MMUT: variants seen among roughly 807,000 people sequenced by gnomAD.
The protein encoded by MMUT is methylmalonyl-CoA mutase, mitochondrial.
A neutral mutation model predicts 79.9 loss-of-function variants in MMUT; 79 were observed. That is an observed-to-expected ratio of 0.99 (90% confidence interval 0.82 to 1.19). MMUT has a LOEUF of 1.19. Among genes scored for constraint, MMUT ranks in the 50% most tolerant of loss-of-function variants. The pLI, the probability that MMUT is intolerant of heterozygous loss-of-function variation, is 0.00. For missense variants in MMUT, 860 were observed against 917.2 expected, an observed-to-expected ratio of 0.94 and a Z score of 0.81; for synonymous variants, 273 against 295.7, an observed-to-expected ratio of 0.92 and a Z score of 0.79.
At chr6:49,457,499 A>C (rs991719931) in intron 3 of MMUT, among the ~76,000 whole-genome samples, 192 bp downstream of exon 3, 5 of 152,242 alleles carry the variant, frequency 3.3e-5, no homozygotes, top group African/African-American at 1.2e-4. Context: ...AACACAGTAA[A>C]GATCTGTTGC....
chr6:49,443,968 A>C (rs1204004107), intron 9 of MMUT, among the ~76,000 whole-genome samples: 1 of 152,186 alleles, frequency 6.6e-6, no homozygotes, highest in East Asian at 1.9e-4. Flanking sequence ...AATACTGTAG[A>C]GAATTCAAGA....
chr6:49,459,349 G>A lies in MMUT; in HGVS notation c.118C>T (p.His40Tyr), dbSNP rs774766479. 6.2e-7 allele frequency: 1 copy of A among 1,614,056 alleles called. No homozygotes were observed. Among genetic ancestry groups the A allele is most frequent in the Non-Finnish European group, 8.5e-7 (1 of 1,180,020 alleles). ...QRLLHQQQPLHPEWAALAKKQ... is the reference protein window; with the variant it reads ...QRLLHQQQPLYPEWAALAKKQ... ...TTAGCCAGGGCAGCCCATTCTGGGT[G>A]AAGGGGCTGTTGCTGGTGTAGAAGT... The change falls in exon 2 of 13, where the codon CAC becomes TAC. Residue 40 changes from histidine to tyrosine, a missense_variant. Transcript: ENST00000274813.
rs538235182 is a variant in MMUT, at chr6:49,438,554, T to C, written c.1956+1652A>G. On this transcript the variant is annotated intron_variant, in intron 11 of 12. Transcript: ENST00000274813. ...AGTTTTAGTTCTGAACTGACACTTT[T>C]AAAAGTCTGAAAGATTAATTATATT... 2.2e-3 allele frequency among the ~76,000 whole-genome samples: 337 copies of C among 152,304 alleles called. 3 individuals carry two copies. The highest frequency in any genetic ancestry group is 7.8e-3 in the African/African-American group (324 of 41,574).
rs916028744 is a variant in MMUT, at chr6:49,435,520, T to C, written c.2060A>G (p.Lys687Arg). 5 of 1,614,056 alleles carry C rather than the reference T, an allele frequency of 3.1e-6. No homozygotes were observed. Among genetic ancestry groups the C allele is most frequent in the Admixed American group, 1.7e-5 (1 of 59,974 alleles). The change falls in exon 12 of 13, where the codon AAA becomes AGA. Residue 687 changes from lysine to arginine, a missense_variant. Physicochemically the swap from Lys to Arg is conservative, Grantham distance 26. Coordinates refer to ENST00000274813, the MANE Select transcript of MMUT (RefSeq NM_000255.4). ...TGGCCGTCCAAGGGAGTTAAGTTCT[T>C]TGATGAGTTCAGGAACTAGGGTTTT... ...GHKTLVPELIKELNSLGRPDI... is the reference protein window; with the variant it reads ...GHKTLVPELIRELNSLGRPDI...
intron 1 of MMUT, among the ~76,000 whole-genome samples, chr6:49,460,981 T>C (rs1767825460): frequency 6.6e-6 from 1 of 152,210 alleles, no homozygotes; most frequent in African/African-American, 2.4e-5. Flanking sequence ...GCTTCTGTAG[T>C]AATATATAAA....
At chr6:49,440,979 G>T (rs1296296626) in intron 10 of MMUT, among the ~76,000 whole-genome samples, 1 of 152,156 alleles carries the variant, frequency 6.6e-6, no homozygotes, top group Non-Finnish European at 1.5e-5. Flanking sequence ...TTCTTATCAT[G>T]CTATATAAAT....
chr6:49,457,752 T>A lies in MMUT; in HGVS notation c.692A>T (p.Tyr231Phe). 7 of 1,612,314 alleles carry A rather than the reference T, an allele frequency of 4.3e-6. No homozygotes were observed. The highest frequency in any genetic ancestry group is 5.9e-6 in the Non-Finnish European group (7 of 1,178,758). ...CATGGATGGTTCTGGAGGAAAAATG[T>A]ATGTATTTCGAACCATAAATTCCTT... ...ILKEFMVRNT[Y>F]IFPPEPSMKI... The change falls in exon 3 of 13, where the codon TAC (tyrosine) becomes TTC (phenylalanine). Residue 231 changes from tyrosine to phenylalanine, a missense_variant. Coordinates refer to ENST00000274813, the MANE Select transcript of MMUT (RefSeq NM_000255.4).
At position 49,463,120 on chromosome 6, in the gene MMUT, A is replaced by C. The variant is rs1248544504; in HGVS notation, c.-57T>G. The C allele has an allele frequency of 6.6e-6, 1 of 152,032 alleles. No individual in the cohort carries two copies. The highest frequency in any genetic ancestry group is 1.5e-5 in the Non-Finnish European group (1 of 68,108). 9.4% of individuals were successfully genotyped at this position (152,032 alleles called of 1,614,324 possible). On this transcript the variant is annotated 5_prime_UTR_variant, in exon 1 of 13. Coordinates refer to ENST00000274813, the MANE Select transcript of MMUT (RefSeq NM_000255.4). ...CTACTCACTGGTAGGCCTGTTTTGG[A>C]CTCCGCTGTGGGAGAGGGCGGCTGC...
chr6:49,459,430 G>A lies in MMUT; in HGVS notation c.37C>T (p.Pro13Ser), dbSNP rs771672322. ...RAKNQLFLLS[P>S]HYLRQVKESS... ...TCTTTTACCTGCCTCAGGTAATGAG[G>A]TGAAAGTAAAAAAAGCTGATTCTTA... The change falls in exon 2 of 13, where the codon CCT (proline) becomes TCT (serine). Residue 13 changes from proline (P) to serine (S), a missense_variant. By Grantham distance (74) the Pro-to-Ser change is moderately conservative. Transcript: ENST00000274813. 8.1e-6 allele frequency: 13 copies of A among 1,613,300 alleles called. No homozygotes were observed. The highest frequency in any genetic ancestry group is 1.3e-5 in the African/African-American group (1 of 74,872).
chr6:49,456,773 T>C (rs1213199773), intron 3 of MMUT, among the ~76,000 whole-genome samples: 1 of 152,180 alleles, frequency 6.6e-6, no homozygotes, highest in Non-Finnish European at 1.5e-5. Flanking sequence ...TGAAACAAAA[T>C]GGGATAAAAT....
chr6:49,445,543 G>T (rs1467558184), intron 8 of MMUT, among the ~76,000 whole-genome samples: 1 of 151,914 alleles, frequency 6.6e-6, no homozygotes, highest in Admixed American at 6.6e-5. Context: ...AAAATTCAGG[G>T]ATGTTCAAGG....
chr6:49,459,775 C>T (rs963405875), intron 1 of MMUT, among the ~76,000 whole-genome samples: 20 of 152,152 alleles, frequency 1.3e-4, no homozygotes, highest in Admixed American at 3.9e-4. Context: ...TATACGAATC[C>T]CTTCCATACA....
Position 49,453,865 on chromosome 6 carries a change from C to T in MMUT, c.912-109G>A, listed in dbSNP as rs1036567539. 45 of 942,056 alleles carry T rather than the reference C, an allele frequency of 4.8e-5. No individual in the cohort carries two copies. The African/African-American group carries it at 5.0e-4, about 10-fold the overall frequency. 58.4% of individuals were successfully genotyped at this position (942,056 alleles called of 1,614,324 possible). ...AAAATCAAGGTCTATATTTTAATTT[C>T]GAAGAACTTAATTTGAATTAAGATC... On this transcript the variant is annotated intron_variant, in intron 4 of 12. Transcript: ENST00000274813.
At chr6:49,444,076 A>T (rs191869975) in intron 9 of MMUT, among the ~76,000 whole-genome samples, 7 of 152,260 alleles carry the variant, frequency 4.6e-5, no homozygotes, top group Admixed American at 2.0e-4. Context: ...AATGCAGTAG[A>T]CCAAAATGTC....
intron 12 of MMUT, 51 bp from the exon 13 acceptor site, chr6:49,431,907 G>A (rs778005725): frequency 8.8e-6 from 14 of 1,582,762 alleles, no homozygotes; most frequent in Admixed American, 3.3e-5. Flanking sequence ...CCATTTTCAC[G>A]GAAATAAAAC....
At position 49,448,940 on chromosome 6, in the gene MMUT, A is replaced by G. The variant is rs765391179; in HGVS notation, c.1333-13T>C. On this transcript the variant is annotated splice_polypyrimidine_tract_variant and intron_variant, in intron 6 of 12. Coordinates refer to ENST00000274813, the MANE Select transcript of MMUT (RefSeq NM_000255.4). ...TTTCATTAATGAGCTAAAAAGAAAA[A>G]CATTAACAAAACTAAAAGAGAATAT... The G allele has an allele frequency of 6.5e-7, 1 of 1,539,872 alleles. No homozygotes were observed. Among genetic ancestry groups the G allele is most frequent in the African/African-American group, 1.4e-5 (1 of 73,392 alleles).
chr6:49,455,568 T>C (rs1767664757), intron 4 of MMUT, among the ~76,000 whole-genome samples: 1 of 152,258 alleles, frequency 6.6e-6, no homozygotes, highest in African/African-American at 2.4e-5. Context: ...ATTGCTGTAC[T>C]GATTGAACCA....
Position 49,456,158 on chromosome 6 carries a change from G to C in MMUT, c.833C>G (p.Ala278Gly). Residue 278 changes from alanine (A) to glycine (G), a missense_variant, in exon 4 of 13, where the codon GCC (alanine) becomes GGC (glycine). By Grantham distance (60) the Ala-to-Gly change is moderately conservative (BLOSUM62 0). Coordinates refer to ENST00000274813, the MANE Select transcript of MMUT (RefSeq NM_000255.4). ...CTCCAATCCATCTGCTAAAGTATAG[G>C]CCAGCTCCAGAATGGCATCAGCCCC... is the stretch of plus-strand genomic sequence containing the variant. ...EAGADAILEL[A>G]YTLADGLEYS... 6.2e-7 allele frequency: 1 copy of C among 1,611,516 alleles called. No individual in the cohort carries two copies. The highest frequency in any genetic ancestry group is 8.5e-7 in the Non-Finnish European group (1 of 1,177,772).
chr6:49,462,825 A>G (rs1467788415), intron 1 of MMUT, among the ~76,000 whole-genome samples: 4 of 152,228 alleles, frequency 2.6e-5, no homozygotes, highest in African/African-American at 9.6e-5. Context: ...AAGTGGCCAA[A>G]GAAGATACCG....
Sources: gnomAD v4.1 joint callset for allele counts (sites outside exome capture counted in the v4.1 genomes callset) on GRCh38, gnomAD v4.1.1 for gene constraint, MANE v1.5 for transcripts, NCBI Gene and HGNC (gene_info 2026-07-23, HGNC 2026-07-21) for gene names.